The following POLQ variants were observed in gnomAD, a reference collection of about 807,000 sequenced individuals.
POLQ encodes the protein epididymis secretory sperm binding protein.
Under a neutral mutation model 259.2 loss-of-function variants are expected in POLQ, and 233 were observed. The ratio of observed to expected loss-of-function variants is 0.90; its 90% CI spans 0.81 to 1.00. POLQ has a LOEUF of 1.00. POLQ is among the 50% of genes least tolerant of loss of function. The probability of loss-of-function intolerance (pLI) is 0.00; values close to 1 mark genes in which losing one functional copy is unlikely to be tolerated. For missense variants in POLQ, 2,871 were observed against 3,051.6 expected (o/e 0.94, Z 1.39); for synonymous variants, 1,025 against 1,048.8 (o/e 0.98, Z 0.44).
Position 121,487,954 on chromosome 3 carries a change from T to C in POLQ, c.4977A>G (p.Lys1659=), listed in dbSNP as rs1452399388. The part of the protein sequence containing the change: ...VSSPLENEKL[K]SMTINFSSLN... Reference sequence around the variant, plus strand: ...AACTGGAAAAGTTTATAGTCATTGATTTTAGCTTTTCATTTTCTAGAGGAC... The same window carrying C: ...AACTGGAAAAGTTTATAGTCATTGACTTTAGCTTTTCATTTTCTAGAGGAC... Residue 1659 remains lysine, a synonymous_variant, in exon 16 of 30, where the codon AAA becomes AAG. Transcript: ENST00000264233. 1.2e-6 allele frequency: 2 copies of C among 1,604,600 alleles called. No homozygotes were observed. The highest frequency in any genetic ancestry group is 1.7e-6 in the Non-Finnish European group (2 of 1,177,254).
intron 8 of POLQ, chr3:121,521,610 C>A (rs1344303872): frequency 6.5e-6 from 1 of 153,534 alleles, no homozygotes; most frequent in Non-Finnish European, 1.4e-5. Flanking sequence ...CGCTCTGTCA[C>A]CCAGGTTGGA....
intron 12 of POLQ, among the ~76,000 whole-genome samples, chr3:121,507,454 C>T (rs1269608059): frequency 6.6e-6 from 1 of 152,124 alleles, no homozygotes; most frequent in Non-Finnish European, 1.5e-5. Flanking sequence ...TGGCTGGGTG[C>T]AATGGCTCAC....
intron 18 of POLQ, among the ~76,000 whole-genome samples, chr3:121,482,291 G>T (rs1420183674): frequency 6.6e-6 from 1 of 152,144 alleles, no homozygotes; most frequent in Non-Finnish European, 1.5e-5. Context: ...GACTGAGGCG[G>T]GTTGATCACC....
intron 20 of POLQ, among the ~76,000 whole-genome samples, chr3:121,473,931 T>C (rs557691013): frequency 9.9e-5 from 15 of 152,190 alleles, no homozygotes; most frequent in Non-Finnish European, 1.9e-4. Context: ...TTCGCCATGT[T>C]GGCCAGGGTG....
At chr3:121,500,458 T>C (rs1174470854) in intron 12 of POLQ, among the ~76,000 whole-genome samples, 1 of 151,732 alleles carries the variant, frequency 6.6e-6, no homozygotes, top group Non-Finnish European at 1.5e-5. Context: ...ACTAGAGAGA[T>C]CAACAGTATA....
Position 121,487,823 on chromosome 3 carries a change from CT to C in POLQ, c.5107del (p.Ser1703AlafsTer6). The C allele has an allele frequency of 1.2e-6, 2 of 1,609,104 alleles. No homozygotes were observed. Among genetic ancestry groups the C allele is most frequent in the Non-Finnish European group, 1.7e-6 (2 of 1,178,610 alleles). Reference protein sequence around the residue: ...ISFSSNNEVKSKIEMLENNAN... With the variant: ...ISFSSNNEVKXKIEMLENNAN... ...ATTGTTTTCTAGCATCTCAATCTTGCTTTTTACTTCATTATTAGAAGAAAAT... is the reference window on the plus strand; with the variant it reads ...ATTGTTTTCTAGCATCTCAATCTTGCTTTTACTTCATTATTAGAAGAAAAT... On this transcript the variant is annotated frameshift_variant, in exon 16 of 30. Coordinates refer to ENST00000264233, the MANE Select transcript of POLQ (RefSeq NM_199420.4). LOFTEE classifies it high-confidence loss of function.
rs2048043512 is a variant in POLQ at position 121,489,334 on chromosome 3, T to C, written c.3597A>G (p.Gln1199=). 3 of 1,613,222 alleles carry C rather than the reference T, an allele frequency of 1.9e-6. No homozygotes were observed. The Admixed American group carries it at 5.0e-5, about 27-fold the overall frequency. ...TAATAGTGCTTGTCTGTTCATGAGA[T>C]TGCTTTCGCAGGTACTGGTTAATTG... ...IHPINQYLRK[Q]SHEQTSTITK... Residue 1199 remains glutamine (Q), a synonymous_variant, in exon 16 of 30, where the codon CAA becomes CAG. Transcript: ENST00000264233.
At chr3:121,543,781 C>T (rs547062538) in intron 2 of POLQ, among the ~76,000 whole-genome samples, 1 of 151,802 alleles carries the variant, frequency 6.6e-6, no homozygotes, top group South Asian at 2.1e-4. Flanking sequence ...GTCAGGAGTT[C>T]GAGACCAGCC....
chr3:121,453,142 A>G (rs1381457720), intron 25 of POLQ, among the ~76,000 whole-genome samples: 1 of 152,230 alleles, frequency 6.6e-6, no homozygotes, highest in Non-Finnish European at 1.5e-5. Flanking sequence ...TCTGGAGTGG[A>G]CATCTAGCAA....
intron 20 of POLQ, among the ~76,000 whole-genome samples, chr3:121,475,215 C>CT (rs2047916397): frequency 1.3e-5 from 2 of 152,184 alleles, no homozygotes; most frequent in Admixed American, 6.5e-5. Flanking sequence ...TCCCCGCTCC[C>CT]TACTCCCCCA....
At chr3:121,541,506 A>T in intron 2 of POLQ, 27 bp from the exon 3 acceptor site, 1 of 1,573,144 alleles carries the variant, frequency 6.4e-7, no homozygotes, top group Non-Finnish European at 8.6e-7. Flanking sequence ...CCACAAGATT[A>T]TAAGAAAAAA....
chr3:121,491,900 C>G (rs2108799920), intron 15 of POLQ, among the ~76,000 whole-genome samples: 1 of 152,194 alleles, frequency 6.6e-6, no homozygotes, highest in African/African-American at 2.4e-5. Flanking sequence ...CTGAGCTCCG[C>G]CTCCTGTCAG....
chr3:121,519,819 G>A (rs368790457), intron 9 of POLQ, 52 bp downstream of exon 9: 3 of 1,017,442 alleles, frequency 2.9e-6, no homozygotes, highest in African/African-American at 3.2e-5. Context: ...CAAATTTCAA[G>A]TAGACACTGT....
intron 20 of POLQ, among the ~76,000 whole-genome samples, chr3:121,474,906 C>T (rs2047913878): frequency 6.6e-6 from 1 of 152,134 alleles, no homozygotes; most frequent in Admixed American, 6.6e-5. Context: ...TAGTTGTATA[C>T]ATTCATGGGG....
In POLQ at chr3:121,498,526, C is replaced by T. The variant is rs1184197411; in HGVS notation, c.2104G>A (p.Val702Ile). 1 of 1,614,126 alleles carries T rather than the reference C, an allele frequency of 6.2e-7. No individual in the cohort carries two copies. Among genetic ancestry groups the T allele is most frequent in the Non-Finnish European group, 8.5e-7 (1 of 1,180,006 alleles). ...TGCTGTCTCTCAGTTCTGGCTACTA[C>T]TTTTCCTTTCACACAACGGGCCAAG... ...GFLARCVKGK[V>I]VARTERQHRQ... is the part of the protein sequence containing the mutation. Residue 702 changes from valine to isoleucine, a missense_variant, in exon 13 of 30, where the codon GTA (valine) becomes ATA (isoleucine). Transcript: ENST00000264233.
chr3:121,492,488 G>C (rs559017988), intron 15 of POLQ, among the ~76,000 whole-genome samples: 1 of 151,792 alleles, frequency 6.6e-6, no homozygotes, highest in Admixed American at 6.6e-5. Context: ...CATTTCAGAG[G>C]AATGTATTTT....
At chr3:121,508,894 C>T (rs1485599849) in intron 12 of POLQ, among the ~76,000 whole-genome samples, 1 of 152,102 alleles carries the variant, frequency 6.6e-6, no homozygotes, top group Non-Finnish European at 1.5e-5. Context: ...GAGAACATGA[C>T]CTTAAACACT....
chr3:121,526,348 C>T (rs1016661198), intron 7 of POLQ, among the ~76,000 whole-genome samples: 6 of 152,214 alleles, frequency 3.9e-5, no homozygotes, highest in Non-Finnish European at 5.9e-5. Context: ...TATCTATTCC[C>T]TCTAAGGCTT....
chr3:121,490,190 C>G lies in POLQ; in HGVS notation c.2741G>C (p.Ser914Thr). The G allele has an allele frequency of 1.9e-6, 3 of 1,612,572 alleles. No homozygotes were observed. Among genetic ancestry groups the G allele is most frequent in the Non-Finnish European group, 2.5e-6 (3 of 1,178,630 alleles). ...TGTGTGTTCCTTTACTTCGGACTCA[C>G]TATGAGTCAATGAGCATGTACTAGA... ...LHSSTCSLTH[S>T]ESEVKEHTFI... Residue 914 changes from serine to threonine, a missense_variant, in exon 16 of 30, where the codon AGT (serine) becomes ACT (threonine). Physicochemically the swap from Ser to Thr is moderately conservative, Grantham distance 58. This residue lies in a region of POLQ where 2,080 missense variants were observed against 2,126.0 expected (regional missense o/e 0.98). Transcript: ENST00000264233.
Sources: gnomAD v4.1 joint callset for allele counts (sites outside exome capture counted in the v4.1 genomes callset) on GRCh38, gnomAD v4.1.1 for gene constraint, gnomAD v4.1.1 regional missense constraint, MANE v1.5 for transcripts, NCBI Gene and HGNC (gene_info 2026-07-23, HGNC 2026-07-21) for gene names.